Variants in SDCCAG8 observed in about 807,000 individuals in gnomAD.
The protein encoded by SDCCAG8 is SHH signaling and ciliogenesis regulator SDCCAG8, also known as serologically defined colon cancer antigen 8.
In SDCCAG8, 74 loss-of-function variants were observed where a neutral mutation model predicts 101.8. The observed-to-expected ratio is 0.73, with a 90% confidence interval of 0.60 to 0.88. The LOEUF (loss-of-function observed/expected upper bound fraction) is 0.88. Ranked by LOEUF, SDCCAG8 falls within the 40% of genes least tolerant of loss-of-function variation. The pLI is 0.00. For missense variants in SDCCAG8, 787 were observed against 822.6 expected (o/e 0.96, Z 0.53); for synonymous variants, 281 against 292.9 (o/e 0.96, Z 0.41).
intron 4 of SDCCAG8, among the ~76,000 whole-genome samples, chr1:243,275,606 T>A (rs2068472652): frequency 6.6e-6 from 1 of 152,132 alleles, no homozygotes. Context: ...CTAGGAACTA[T>A]TTCATTAACA....
chr1:243,349,006 A>G (rs2075922430), intron 12 of SDCCAG8, among the ~76,000 whole-genome samples: 1 of 150,270 alleles, frequency 6.7e-6, no homozygotes, highest in Admixed American at 6.6e-5. Context: ...CAAAACAAAC[A>G]AAACAAAAAA....
chr1:243,318,511 G>A, intron 9 of SDCCAG8: 1 of 981,186 alleles, frequency 1.0e-6, no homozygotes, highest in Non-Finnish European at 1.2e-6. Context: ...TAAAATAAAA[G>A]TTAAAAAAAA....
In SDCCAG8 at chr1:243,489,089, TCTC is replaced by T. The variant is rs762295962; in HGVS notation, c.2064_2066del (p.Leu689del). On this transcript the variant is annotated inframe_deletion, in exon 17 of 18. Transcript: ENST00000366541. Reference sequence around the variant, plus strand: ...AGCTCCTCAGCAAGCAGAACCAGCTTCTCCTGGAGAGGCAGAGCCTGTCGGAAG... The same window carrying T: ...AGCTCCTCAGCAAGCAGAACCAGCTTCTGGAGAGGCAGAGCCTGTCGGAAG... The T allele has an allele frequency of 2.5e-6, 4 of 1,613,236 alleles. No individual in the cohort carries two copies. Among genetic ancestry groups the T allele is most frequent in the African/African-American group, 1.3e-5 (1 of 75,014 alleles).
In SDCCAG8 at chr1:243,470,625, G is replaced by A. The variant is rs778257550; in HGVS notation, c.1986-18389G>A. 3.3e-5 allele frequency among the ~76,000 whole-genome samples: 5 copies of A among 152,028 alleles called. No individual in the cohort carries two copies. The East Asian group carries it at 5.8e-4, about 18-fold the overall frequency. ...CATCACACCAAAAAAGCCCTGTGTC[G>A]GTGCCGACTCATTAGCATACAGCCG... On this transcript the variant is annotated intron_variant, in intron 16 of 17. Transcript: ENST00000366541.
At chr1:243,439,515 C>T (rs1204090753) in intron 16 of SDCCAG8, among the ~76,000 whole-genome samples, 1 of 152,006 alleles carries the variant, frequency 6.6e-6, no homozygotes, top group Admixed American at 6.6e-5. Context: ...ATCCCATCTA[C>T]TCCAGAGGCT....
chr1:243,402,298 C>T (rs1281678290), intron 13 of SDCCAG8, among the ~76,000 whole-genome samples: 7 of 151,432 alleles, frequency 4.6e-5, no homozygotes, highest in Non-Finnish European at 7.4e-5. Flanking sequence ...GGCATGATGG[C>T]GCACACCTGT....
rs946873582 is a variant in SDCCAG8 at position 243,458,537 on chromosome 1, C to T, written c.1986-30477C>T. 3.9e-5 allele frequency among the ~76,000 whole-genome samples: 6 copies of T among 152,114 alleles called. No individual in the cohort carries two copies. The highest frequency in any genetic ancestry group is 6.6e-5 in the Admixed American group (1 of 15,262). Reference sequence around the variant, plus strand: ...TTTTAAACCCACTGAATTTTCATAACCACCACATGAAGCGAGTACTAGCAA... The same window carrying T: ...TTTTAAACCCACTGAATTTTCATAATCACCACATGAAGCGAGTACTAGCAA... On this transcript the variant is annotated intron_variant, in intron 16 of 17. Transcript: ENST00000366541. The surrounding 1 kb of genome is among the most constrained non-coding windows in gnomAD (Gnocchi z 4.5).
chr1:243,297,706 A>C (rs1409706986), intron 6 of SDCCAG8, among the ~76,000 whole-genome samples: 1 of 152,182 alleles, frequency 6.6e-6, no homozygotes, highest in Non-Finnish European at 1.5e-5. Context: ...GTATTGTTTC[A>C]TACATTTATT....
intron 16 of SDCCAG8, among the ~76,000 whole-genome samples, chr1:243,440,852 C>T (rs1361262210): frequency 6.6e-6 from 1 of 152,024 alleles, no homozygotes; most frequent in African/African-American, 2.4e-5. Context: ...TTGTTTTGGC[C>T]GTGTGTAGCA....
At chr1:243,476,827 T>G (rs946555312) in intron 16 of SDCCAG8, among the ~76,000 whole-genome samples, 1 of 152,228 alleles carries the variant, frequency 6.6e-6, no homozygotes, top group African/African-American at 2.4e-5. Context: ...GTCAACAAGA[T>G]TAGAATCCAA....
intron 9 of SDCCAG8, among the ~76,000 whole-genome samples, chr1:243,322,933 G>A (rs2073871734): frequency 6.6e-6 from 1 of 151,866 alleles, no homozygotes; most frequent in South Asian, 2.1e-4. Context: ...TCAAGAGATT[G>A]AGACCATCCT....
chr1:243,401,995 G>T (rs947989339), intron 13 of SDCCAG8, among the ~76,000 whole-genome samples: 2 of 152,158 alleles, frequency 1.3e-5, no homozygotes, highest in Non-Finnish European at 2.9e-5. Flanking sequence ...GTGGAATCAG[G>T]ATTTAAAATG....
At position 243,323,593 on chromosome 1, in the gene SDCCAG8, C is replaced by T. The variant is rs188505571; in HGVS notation, c.1068+6700C>T. ...AAGCAGCTTTCCTGTGATCATCTTTCACTTCGTTTATTACCGTCCATTCCT... is the reference window on the plus strand; with the variant it reads ...AAGCAGCTTTCCTGTGATCATCTTTTACTTCGTTTATTACCGTCCATTCCT... On this transcript the variant is annotated intron_variant, in intron 9 of 17. Coordinates refer to ENST00000366541, the MANE Select transcript of SDCCAG8 (RefSeq NM_006642.5). 7.5e-4 allele frequency among the ~76,000 whole-genome samples: 115 copies of T among 152,336 alleles called. 1 individual carries two copies. The highest frequency in any genetic ancestry group is 6.8e-3 in the Middle Eastern group (2 of 294).
At chr1:243,414,415 T>TG (rs1312446059) in intron 13 of SDCCAG8, among the ~76,000 whole-genome samples, 1 of 152,130 alleles carries the variant, frequency 6.6e-6, no homozygotes, top group Admixed American at 6.5e-5. Flanking sequence ...CGCAAGACCT[T>TG]GGACCACATC....
chr1:243,498,218 C>T (rs1358267624), intron 17 of SDCCAG8, among the ~76,000 whole-genome samples: 3 of 150,406 alleles, frequency 2.0e-5, no homozygotes, highest in Non-Finnish European at 4.4e-5. Context: ...GGTGCAAACC[C>T]TGCGTTTGAC....
intron 4 of SDCCAG8, among the ~76,000 whole-genome samples, chr1:243,283,506 A>C (rs910838609): frequency 6.7e-6 from 1 of 148,764 alleles, no homozygotes; most frequent in Admixed American, 6.7e-5. Context: ...TCCTTATTGC[A>C]CTTCTTTTTT....
chr1:243,288,777 G>A lies in SDCCAG8; in HGVS notation c.546+2380G>A, dbSNP rs566158015. The stretch of plus-strand genomic sequence containing the variant: ...TAATCCCAACACTTTGGGAGACCAA[G>A]GTGGGTGGATCACGAGGTCAGGAAA... On this transcript the variant is annotated intron_variant, in intron 5 of 17. Coordinates refer to ENST00000366541, the MANE Select transcript of SDCCAG8 (RefSeq NM_006642.5). Among the ~76,000 whole-genome samples, 190 of 152,222 alleles carry A rather than the reference G, an allele frequency of 1.2e-3. 1 individual carries two copies. The highest frequency in any genetic ancestry group is 4.2e-3 in the African/African-American group (176 of 41,520).
chr1:243,496,836 C>T (rs905125701), intron 17 of SDCCAG8, among the ~76,000 whole-genome samples: 1 of 152,200 alleles, frequency 6.6e-6, no homozygotes, highest in African/African-American at 2.4e-5. Flanking sequence ...AGAGATGACT[C>T]CGATAGGATT....
At chr1:243,434,026 C>T (rs941912439) in intron 16 of SDCCAG8, among the ~76,000 whole-genome samples, 3 of 152,128 alleles carry the variant, frequency 2.0e-5, no homozygotes, top group Non-Finnish European at 1.5e-5. Context: ...AGGTTATCAG[C>T]GTTGTTCTGA....
Sources: gnomAD v4.1 joint callset for allele counts (sites outside exome capture counted in the v4.1 genomes callset) on GRCh38, gnomAD v4.1.1 for gene constraint, Gnocchi (gnomAD v3.1) non-coding constraint, MANE v1.5 for transcripts, NCBI Gene and HGNC (gene_info 2026-07-23, HGNC 2026-07-21) for gene names.